Variants in ITGA11 observed in about 807,000 individuals in gnomAD.
The protein encoded by ITGA11 is integrin alpha-11.
ITGA11 carries 97 observed loss-of-function variants against 141.9 expected under a neutral mutation model. That is an observed-to-expected ratio of 0.68 (90% CI 0.58 to 0.81). ITGA11 has a LOEUF of 0.81. ITGA11 is among the 30% of genes least tolerant of loss of function. ITGA11 has a pLI of 0.00. For missense variants in ITGA11, 1,387 were observed against 1,559.2 expected (o/e 0.89, Z 1.86); for synonymous variants, 658 against 624.6 (o/e 1.05, Z -0.80).
At chr15:68,388,340 G>A (rs999571293) in intron 2 of ITGA11, among the ~76,000 whole-genome samples, 1 of 151,898 alleles carries the variant, frequency 6.6e-6, no homozygotes, top group African/African-American at 2.4e-5. Context: ...AGATAACCAT[G>A]ATTCTCTCAG....
chr15:68,314,285 C>T (rs772385285), intron 22 of ITGA11, among the ~76,000 whole-genome samples: 2 of 152,196 alleles, frequency 1.3e-5, no homozygotes, highest in Non-Finnish European at 2.9e-5. Context: ...GAGGAATTCA[C>T]AGTAGAGTCA....
chr15:68,419,432 G>C (rs1896965600), intron 1 of ITGA11, among the ~76,000 whole-genome samples: 1 of 152,202 alleles, frequency 6.6e-6, no homozygotes, highest in Non-Finnish European at 1.5e-5. Context: ...TTCAGGCTCT[G>C]TTAAGGGCCC....
chr15:68,307,376 A>G lies in ITGA11; in HGVS notation c.3353T>C (p.Ile1118Thr). ...ALQRQFHSPFIFREEDPSRQI... is the reference protein window; with the variant it reads ...ALQRQFHSPFTFREEDPSRQI... ...GCGGCTGGGATCCTCCTCACGGAAGATGAAGGGGCTGTGGAACTGCCTCTG... is the reference window on the plus strand; with the variant it reads ...GCGGCTGGGATCCTCCTCACGGAAGGTGAAGGGGCTGTGGAACTGCCTCTG... The change falls in exon 28 of 30, where the codon ATC (isoleucine) becomes ACC (threonine). Residue 1118 changes from isoleucine to threonine, a missense_variant. Transcript: ENST00000315757. The surrounding 1 kb of genome is among the most constrained non-coding windows in gnomAD (Gnocchi z 6.1). 1 of 1,557,806 alleles carries G rather than the reference A, an allele frequency of 6.4e-7. No homozygotes were observed. The highest frequency in any genetic ancestry group is 2.4e-5 in the East Asian group (1 of 41,498).
chr15:68,326,748 G>A lies in ITGA11; in HGVS notation c.2117C>T (p.Ala706Val), dbSNP rs2140296808. ...TCGGTCCCCGCCCTCGTCCAGGTGG[G>A]CCCTCGGTGTATACCGCCTCTCATC... ...TMDERRYTPR[A>V]HLDEGGDRFT... Residue 706 changes from alanine (A) to valine (V), a missense_variant, in exon 17 of 30, where the codon GCC (alanine) becomes GTC (valine). Coordinates refer to ENST00000315757, the MANE Select transcript of ITGA11 (RefSeq NM_001004439.2). The surrounding 1 kb of genome is among the most constrained non-coding windows in gnomAD (Gnocchi z 6.8). 1 of 1,581,416 alleles carries A rather than the reference G, an allele frequency of 6.3e-7. No homozygotes were observed. The highest frequency in any genetic ancestry group is 1.2e-5 in the South Asian group (1 of 86,052).
chr15:68,394,507 G>A (rs575439579), intron 2 of ITGA11, among the ~76,000 whole-genome samples: 1 of 151,472 alleles, frequency 6.6e-6, no homozygotes, highest in Non-Finnish European at 1.5e-5. Flanking sequence ...AAAGAAAAAG[G>A]GTCAGAAAAT....
rs530183381 is a variant in ITGA11, at chr15:68,307,959, C to T, written c.3175-263G>A. Among the ~76,000 whole-genome samples the T allele has an allele frequency of 2.2e-4, 34 of 152,250 alleles. No homozygotes were observed. The Middle Eastern group carries it at 0.017, about 76-fold the overall frequency. ...ATATTCCAGGGACAGAACTTTTGTTCAACATTAGGGAATCTATAAATGTTT... is the reference window on the plus strand; with the variant it reads ...ATATTCCAGGGACAGAACTTTTGTTTAACATTAGGGAATCTATAAATGTTT... On this transcript the variant is annotated intron_variant, in intron 26 of 29. Coordinates refer to ENST00000315757, the MANE Select transcript of ITGA11 (RefSeq NM_001004439.2). The surrounding 1 kb of genome is among the most constrained non-coding windows in gnomAD (Gnocchi z 6.1).
chr15:68,358,598 G>T lies in ITGA11; in HGVS notation c.473-13C>A. 1 of 1,607,530 alleles carries T rather than the reference G, an allele frequency of 6.2e-7. No individual in the cohort carries two copies. Among genetic ancestry groups the T allele is most frequent in the South Asian group, 1.1e-5 (1 of 89,734 alleles). On this transcript the variant is annotated splice_polypyrimidine_tract_variant and intron_variant, in intron 5 of 29. Coordinates refer to ENST00000315757, the MANE Select transcript of ITGA11 (RefSeq NM_001004439.2). Reference sequence around the variant, plus strand: ...TAGGTCTGGCACCCTGGAAAGTGGGGACACAGTTATGGCTACCCAAGGAGC... The same window carrying T: ...TAGGTCTGGCACCCTGGAAAGTGGGTACACAGTTATGGCTACCCAAGGAGC...
At chr15:68,332,123 A>C in intron 13 of ITGA11, 61 bp from the exon 14 acceptor site, 4 of 1,423,176 alleles carry the variant, frequency 2.8e-6, no homozygotes, top group Non-Finnish European at 3.9e-6. Context: ...CAGGCTCATA[A>C]TTCCCTCTGC....
intron 2 of ITGA11, among the ~76,000 whole-genome samples, chr15:68,396,594 A>G (rs982540302): frequency 6.6e-6 from 1 of 151,746 alleles, no homozygotes; most frequent in African/African-American, 2.4e-5. Flanking sequence ...AGAAAAATAA[A>G]TAAAGGTAGG....
In ITGA11 at chr15:68,307,843, C is replaced by T; in HGVS notation, c.3175-147G>A. On this transcript the variant is annotated intron_variant, in intron 26 of 29. Coordinates refer to ENST00000315757, the MANE Select transcript of ITGA11 (RefSeq NM_001004439.2). This position sits in a 1 kb window ranked among gnomAD's most constrained non-coding sequence, Gnocchi z 6.1. ...GAAAGTTGGGAGTGGGGGACATGTG[C>T]ATTGCGTCTGCCAGGGGATGACTGA... is the stretch of plus-strand genomic sequence containing the variant. The T allele has an allele frequency of 1.6e-6, 1 of 611,062 alleles. No individual in the cohort carries two copies. The highest frequency in any genetic ancestry group is 2.0e-5 in the South Asian group (1 of 50,924). The allele number at this position is 611,062 out of a possible 1,614,324, so 37.9% of individuals were successfully genotyped here.
Position 68,312,956 on chromosome 15 carries a change from C to A in ITGA11, c.2883-93G>T, listed in dbSNP as rs1378453020. 5.6e-6 allele frequency: 5 copies of A among 887,184 alleles called. No homozygotes were observed. In the East Asian group the frequency reaches 1.3e-4, roughly 23 times the overall value. 55.0% of individuals were successfully genotyped at this position (887,184 alleles called of 1,614,324 possible). A position where few individuals can be genotyped will look rare whatever the true frequency, so the allele number is the denominator to read the frequency against. ...AGAGGGAGAGGGCATGTGCCGGCCT[C>A]CCCCGGGCCACGAAAAACAGGTTCC... On this transcript the variant is annotated intron_variant, in intron 23 of 29. Transcript: ENST00000315757.
chr15:68,396,405 AG>A (rs888163126), intron 2 of ITGA11, among the ~76,000 whole-genome samples: 1 of 152,106 alleles, frequency 6.6e-6, no homozygotes, highest in Admixed American at 6.6e-5. Context: ...AGCTATGAAT[AG>A]AAAAAAACTT....
intron 6 of ITGA11, 144 bp from the exon 7 acceptor site, chr15:68,357,443 C>T: frequency 1.0e-6 from 1 of 972,274 alleles, no homozygotes; most frequent in African/African-American, 1.7e-5. Flanking sequence ...AAGAAAGTAA[C>T]CACAGCCAAA....
At chr15:68,320,068 G>T (rs1478905556) in intron 20 of ITGA11, 117 bp downstream of exon 20, 2 of 855,442 alleles carry the variant, frequency 2.3e-6, no homozygotes, top group Non-Finnish European at 3.7e-6. Context: ...AGGATTACAG[G>T]CATGAGCCAC....
At chr15:68,329,245 G>C (rs1055901969) in intron 15 of ITGA11, among the ~76,000 whole-genome samples, 10 of 152,204 alleles carry the variant, frequency 6.6e-5, no homozygotes, top group African/African-American at 2.4e-4. Flanking sequence ...TGACAGTGTA[G>C]AGTGCTGTGT....
intron 15 of ITGA11, among the ~76,000 whole-genome samples, chr15:68,330,398 T>G (rs571689229): frequency 6.6e-6 from 1 of 152,318 alleles, no homozygotes; most frequent in African/African-American, 2.4e-5. Flanking sequence ...TGAGTGATTT[T>G]TTTTTCCTTG....
intron 15 of ITGA11, 80 bp downstream of exon 15, chr15:68,330,901 C>G: frequency 3.9e-6 from 6 of 1,546,436 alleles, no homozygotes; most frequent in Non-Finnish European, 5.3e-6. Flanking sequence ...GACAAAGATC[C>G]TGAAGCCTAT....
At chr15:68,375,662 C>T (rs1225648798) in intron 2 of ITGA11, among the ~76,000 whole-genome samples, 1 of 152,194 alleles carries the variant, frequency 6.6e-6, no homozygotes, top group Non-Finnish European at 1.5e-5. Flanking sequence ...GAAACGAGAG[C>T]CCCTCTGTTT....
rs958871376 is a variant in ITGA11 at position 68,335,096 on chromosome 15, C to A, written c.1425+601G>T. ...GGGAGCTGGGGACAACATGGAAGGG[C>A]CTGGACAGCACTCAGCTCTGGCCTA... On this transcript the variant is annotated intron_variant, in intron 12 of 29. Coordinates refer to ENST00000315757, the MANE Select transcript of ITGA11 (RefSeq NM_001004439.2). This position sits in a 1 kb window ranked among gnomAD's most constrained non-coding sequence, Gnocchi z 4.9. 6.6e-6 allele frequency among the ~76,000 whole-genome samples: 1 copy of A among 152,092 alleles called. No individual in the cohort carries two copies. Among genetic ancestry groups the A allele is most frequent in the Non-Finnish European group, 1.5e-5 (1 of 68,016 alleles).
Sources: allele counts gnomAD v4.1 joint callset (sites outside exome capture counted in the v4.1 genomes callset), GRCh38; gene constraint gnomAD v4.1.1; non-coding constraint Gnocchi (gnomAD v3.1); transcripts MANE v1.5; gene names NCBI Gene and HGNC (gene_info 2026-07-23, HGNC 2026-07-21).